Variants in EYS observed in about 807,000 individuals in gnomAD.
EYS encodes the protein EGF-like photoreceptor maintenance factor, also known as protein eyes shut homolog.
Under a neutral mutation model 282.1 loss-of-function variants are expected in EYS, and 250 were observed. The ratio of observed to expected loss-of-function variants is 0.89; its 90% CI spans 0.80 to 0.98. The LOEUF (loss-of-function observed/expected upper bound fraction) is 0.98. EYS is among the 50% of genes least tolerant of loss of function. EYS has a pLI of 0.00. For synonymous variants in EYS, 1,355 were observed against 1,282.9 expected, an observed-to-expected ratio of 1.06 and a Z score of -1.20; for missense variants, 4,016 against 3,709.0, an observed-to-expected ratio of 1.08 and a Z score of -2.15.
At chr6:64,100,139 C>T (rs1041445748) in intron 31 of EYS, among the ~76,000 whole-genome samples, 24 of 152,198 alleles carry the variant, frequency 1.6e-4, no homozygotes, top group Non-Finnish European at 2.4e-4. Flanking sequence ...TATTATTTCA[C>T]TCTTGATTTA....
intron 22 of EYS, among the ~76,000 whole-genome samples, chr6:64,698,590 C>A (rs761250601): frequency 1.5e-4 from 23 of 151,922 alleles, no homozygotes; most frequent in Non-Finnish European, 2.6e-4. Flanking sequence ...ATGTATCTGA[C>A]AAAGGTCTAA....
At chr6:64,751,500 G>T (rs1413082729) in intron 22 of EYS, among the ~76,000 whole-genome samples, 1 of 152,192 alleles carries the variant, frequency 6.6e-6, no homozygotes, top group African/African-American at 2.4e-5. Flanking sequence ...ATACCTGTAG[G>T]TGGACCTGCC....
intron 2 of EYS, among the ~76,000 whole-genome samples, chr6:65,533,462 G>A (rs1767856194): frequency 6.6e-6 from 1 of 152,052 alleles, no homozygotes; most frequent in Non-Finnish European, 1.5e-5. Context: ...GAAAAAGAGG[G>A]AATCCTTCTT....
At chr6:65,039,223 G>A (rs576924261) in intron 13 of EYS, among the ~76,000 whole-genome samples, 9 of 151,310 alleles carry the variant, frequency 5.9e-5, no homozygotes, top group African/African-American at 1.2e-4. Flanking sequence ...CATTTTTTCC[G>A]TATGAATATC....
chr6:65,116,880 ATATTTC>A (rs5876945), intron 12 of EYS, among the ~76,000 whole-genome samples: 30,833 of 151,990 alleles, frequency 0.2, 3,390 homozygotes, highest in African/African-American at 0.25. Flanking sequence ...AAAAAGGAGA[ATATTTC>A]CTGCCACCCT....
chr6:64,667,652 T>C (rs894314822), intron 22 of EYS, among the ~76,000 whole-genome samples: 1 of 152,116 alleles, frequency 6.6e-6, no homozygotes, highest in Non-Finnish European at 1.5e-5. Flanking sequence ...ATTCAGAATA[T>C]TATATTTTCA....
At chr6:64,123,055 G>A (rs980493584) in intron 31 of EYS, among the ~76,000 whole-genome samples, 1 of 152,062 alleles carries the variant, frequency 6.6e-6, no homozygotes, top group African/African-American at 2.4e-5. Context: ...CAGTAATAGG[G>A]TGTGTTTATA....
At chr6:65,310,514 T>C (rs187623657) in intron 11 of EYS, among the ~76,000 whole-genome samples, 2 of 152,134 alleles carry the variant, frequency 1.3e-5, no homozygotes, top group East Asian at 3.9e-4. Context: ...TAACCCTGGT[T>C]AGTCAAAAAC....
At chr6:65,518,304 A>G (rs1049462534) in intron 2 of EYS, among the ~76,000 whole-genome samples, 4 of 152,144 alleles carry the variant, frequency 2.6e-5, no homozygotes, top group African/African-American at 9.6e-5. Context: ...ATATCTTATA[A>G]AAATTATGGT....
intron 13 of EYS, among the ~76,000 whole-genome samples, chr6:65,054,460 T>A (rs991697378): frequency 1.3e-5 from 2 of 152,012 alleles, no homozygotes; most frequent in Admixed American, 6.6e-5. Flanking sequence ...TACTATTGAT[T>A]TTCTGTTGGT....
At chr6:64,603,003 A>G (rs1396181763) in intron 24 of EYS, among the ~76,000 whole-genome samples, 2 of 151,886 alleles carry the variant, frequency 1.3e-5, no homozygotes, top group Non-Finnish European at 2.9e-5. Context: ...AATAGGTCCT[A>G]TTGCCTCTTG....
chr6:65,685,076 T>C (rs1359666031), intron 1 of EYS, among the ~76,000 whole-genome samples: 2 of 151,946 alleles, frequency 1.3e-5, no homozygotes, highest in African/African-American at 2.4e-5. Flanking sequence ...GTCCAACCTA[T>C]AATAGGGTTA....
intron 1 of EYS, among the ~76,000 whole-genome samples, chr6:65,702,317 C>T (rs1296896534): frequency 6.6e-6 from 1 of 152,172 alleles, no homozygotes; most frequent in African/African-American, 2.4e-5. Flanking sequence ...GCTCACTAAG[C>T]TTAATGACAG....
chr6:65,236,040 CTT>C (rs1319375786), intron 12 of EYS, among the ~76,000 whole-genome samples: 5 of 151,234 alleles, frequency 3.3e-5, no homozygotes, highest in East Asian at 2.0e-4. Context: ...ATGTGCACCT[CTT>C]ATGTAATAAA....
In EYS at chr6:65,043,746, CAT is replaced by C. The variant is rs538771340; in HGVS notation, c.2137+13866_2137+13867del. Among the ~76,000 whole-genome samples, 5 of 150,856 alleles carry C rather than the reference CAT, an allele frequency of 3.3e-5. No homozygotes were observed. In the East Asian group the frequency reaches 7.9e-4, roughly 24 times the overall value. On this transcript the variant is annotated intron_variant, in intron 13 of 42. Transcript: ENST00000503581. ...CTTTTTCAATAATATTTCATTTATG[CAT>C]ATATATATATGACATTTTATTTATC...
At chr6:65,543,985 TTAC>T (rs934941743) in intron 2 of EYS, among the ~76,000 whole-genome samples, 6 of 131,372 alleles carry the variant, frequency 4.6e-5, no homozygotes, top group Admixed American at 1.5e-4. Context: ...TTCCCACTTA[TTAC>T]TGAAAAAGAG....
intron 1 of EYS, among the ~76,000 whole-genome samples, chr6:65,700,236 G>A (rs938720300): frequency 2.6e-5 from 4 of 151,944 alleles, no homozygotes; most frequent in African/African-American, 4.8e-5. Flanking sequence ...TGGACCCTGG[G>A]AGACCAATTA....
chr6:65,479,170 T>C (rs1562209610), intron 5 of EYS, among the ~76,000 whole-genome samples: 2 of 151,756 alleles, frequency 1.3e-5, no homozygotes, highest in African/African-American at 4.8e-5. Flanking sequence ...CTAAAATGAA[T>C]AGAGCCTCAG....
chr6:64,168,477 A>G (rs1366397051), intron 31 of EYS, among the ~76,000 whole-genome samples: 2 of 152,330 alleles, frequency 1.3e-5, no homozygotes, highest in Non-Finnish European at 1.5e-5. Context: ...AAACATGTCC[A>G]CATAAAGACC....
Sources: allele counts gnomAD v4.1 joint callset (sites outside exome capture counted in the v4.1 genomes callset), GRCh38; gene constraint gnomAD v4.1.1; transcripts MANE v1.5; gene names NCBI Gene and HGNC (gene_info 2026-07-23, HGNC 2026-07-21).